Variants in MS4A6E observed in about 807,000 individuals in gnomAD.
The protein encoded by MS4A6E is membrane spanning 4-domains A6E.
Under a neutral mutation model 13.2 loss-of-function variants are expected in MS4A6E, and 8 were observed. That is an observed-to-expected ratio of 0.60 (90% CI 0.35 to 1.09). MS4A6E has a LOEUF of 1.09. MS4A6E is among the 50% of genes least tolerant of loss of function. The pLI, the probability that MS4A6E is intolerant of heterozygous loss-of-function variation, is 0.02. For synonymous variants in MS4A6E, 72 were observed against 67.6 expected (o/e 1.06, Z -0.32); for missense variants, 177 against 171.1 (o/e 1.03, Z -0.19).
At chr11:60,342,168 TGTGTGTGTGTGAGA>T (rs1019786155), downstream of MS4A6E, among the ~76,000 whole-genome samples, 7 of 31,626 alleles carry the variant, frequency 2.2e-4, no homozygotes, top group East Asian at 1.2e-3. Context: ...TGTGTGTGTG[TGTGTGTGTGTGAGA>T]GAGAGAGAGA....
intron 3 of MS4A6E, among the ~76,000 whole-genome samples, chr11:60,339,406 T>C (rs2135063157): frequency 6.6e-6 from 1 of 152,204 alleles, no homozygotes; most frequent in East Asian, 1.9e-4. Flanking sequence ...CACAAATCTC[T>C]GAGAAATAAA....
chr11:60,344,676 A>C (rs2085247868), downstream of MS4A6E, among the ~76,000 whole-genome samples: 1 of 152,206 alleles, frequency 6.6e-6, no homozygotes, highest in Admixed American at 6.5e-5. Context: ...GCAGGGAAGT[A>C]CTGAGGTTTA....
chr11:60,347,778 G>A (rs943840348), intron 4 of MS4A6E, among the ~76,000 whole-genome samples: 5 of 151,990 alleles, frequency 3.3e-5, no homozygotes, highest in African/African-American at 9.7e-5. Flanking sequence ...CTAAGGAATG[G>A]GCTTAGTCAT....
intron 3 of MS4A6E, among the ~76,000 whole-genome samples, chr11:60,339,624 T>C (rs1447185154): frequency 6.6e-6 from 1 of 152,160 alleles, no homozygotes; most frequent in Non-Finnish European, 1.5e-5. Context: ...GAGAAACAAG[T>C]GTATGAAATG....
At chr11:60,335,725 T>C (rs188791366) in intron 2 of MS4A6E, 182 of 386,316 alleles carry the variant, frequency 4.7e-4, no homozygotes, top group Admixed American at 2.1e-3. Context: ...TCATATGGGT[T>C]TCTATGAGGC....
At chr11:60,330,018 G>A (rs1010033640) in intron 1 of MS4A6E, among the ~76,000 whole-genome samples, 1 of 149,952 alleles carries the variant, frequency 6.7e-6, no homozygotes, top group Non-Finnish European at 1.5e-5. Flanking sequence ...GTAGAGATGG[G>A]GTTTCACCGT....
chr11:60,336,029 G>A (rs1328553873), intron 2 of MS4A6E, among the ~76,000 whole-genome samples: 1 of 152,114 alleles, frequency 6.6e-6, no homozygotes, highest in African/African-American at 2.4e-5. Flanking sequence ...TGGAAGCTCT[G>A]GCTACAAAAA....
Position 60,328,904 on chromosome 11 carries a change from C to T in MS4A6E, c.-15+1496C>T, listed in dbSNP as rs975684242. ...GTTAATAACAAGGTATTGTATTTGG[C>T]ATTTTTGCTAAATGACTAGATTTTA... is the stretch of plus-strand genomic sequence containing the variant. On this transcript the variant is annotated intron_variant, in intron 1 of 4. Coordinates refer to ENST00000684409, the MANE Select transcript of MS4A6E (RefSeq NM_139249.4). Among the ~76,000 whole-genome samples the T allele has an allele frequency of 2.0e-5, 3 of 152,134 alleles. No individual in the cohort carries two copies. In the East Asian group the frequency reaches 5.8e-4, roughly 29 times the overall value.
chr11:60,331,073 T>A (rs1036225822), intron 1 of MS4A6E, among the ~76,000 whole-genome samples: 11 of 152,196 alleles, frequency 7.2e-5, no homozygotes, highest in African/African-American at 2.7e-4. Flanking sequence ...TATATGTATC[T>A]CATAATATCA....
chr11:60,342,180 A>AT, downstream of MS4A6E, among the ~76,000 whole-genome samples: 1 of 84,270 alleles, frequency 1.2e-5, no homozygotes, highest in African/African-American at 4.6e-5. Flanking sequence ...TGTGTGTGTG[A>AT]GAGAGAGAGA....
Position 60,327,360 on chromosome 11 carries a change from G to C in MS4A6E, c.-63G>C, listed in dbSNP as rs1176870629. ...GAAGCAAGCAACGTGACCCTAAGTA[G>C]ATGCTGAACCTGTGGCACCTTGATC... is the stretch of plus-strand genomic sequence containing the variant. On this transcript the variant is annotated 5_prime_UTR_variant, in exon 1 of 5. Coordinates refer to ENST00000684409, the MANE Select transcript of MS4A6E (RefSeq NM_139249.4). 6.6e-6 allele frequency among the ~76,000 whole-genome samples: 1 copy of C among 152,236 alleles called. No individual in the cohort carries two copies. The highest frequency in any genetic ancestry group is 1.9e-4 in the East Asian group (1 of 5,206).
chr11:60,329,990 T>C (rs2085144102), intron 1 of MS4A6E, among the ~76,000 whole-genome samples: 1 of 150,698 alleles, frequency 6.6e-6, no homozygotes, highest in Non-Finnish European at 1.5e-5. Context: ...CACACCTGAC[T>C]AATTTGTTGT....
At chr11:60,347,853 C>A (rs931246446) in intron 4 of MS4A6E, among the ~76,000 whole-genome samples, 4 of 152,166 alleles carry the variant, frequency 2.6e-5, no homozygotes, top group Non-Finnish European at 5.9e-5. Context: ...CTTGTATGAT[C>A]TGCATGGCTC....
Position 60,337,728 on chromosome 11 carries a change from ATG to A in MS4A6E, c.148-11_148-10del. The A allele has an allele frequency of 6.2e-7, 1 of 1,614,060 alleles. No homozygotes were observed. The highest frequency in any genetic ancestry group is 8.5e-7 in the Non-Finnish European group (1 of 1,180,008). ...CCTTTGGGAATGATTCTTACCCAGCATGTCTCTTTCAGGTGCATAGCAGCCTG... is the reference window on the plus strand; with the variant it reads ...CCTTTGGGAATGATTCTTACCCAGCATCTCTTTCAGGTGCATAGCAGCCTG... On this transcript the variant is annotated splice_polypyrimidine_tract_variant and intron_variant, in intron 2 of 4. Transcript: ENST00000684409.
In MS4A6E at chr11:60,339,745, T is replaced by G. The variant is rs191086379; in HGVS notation, c.355-121T>G. The G allele has an allele frequency of 2.8e-3, 2,339 of 827,038 alleles. 44 individuals are homozygous for G. The African/African-American group carries it at 0.03, about 11-fold the overall frequency. The allele number at this position is 827,038 out of a possible 1,614,324, so 51.2% of individuals were successfully genotyped here. On this transcript the variant is annotated intron_variant, in intron 3 of 4. Transcript: ENST00000684409. ...GGAGGAGCAGTTTTGTTTTCCTGAT[T>G]GTTTCCTTACTTCATTCTCTAATGG...
intron 1 of MS4A6E, among the ~76,000 whole-genome samples, chr11:60,332,451 G>A (rs2085163092): frequency 6.6e-6 from 1 of 152,202 alleles, no homozygotes. Flanking sequence ...ACAACTATCT[G>A]AGTTTTTGTT....
At chr11:60,335,899 T>C (rs1048389933) in intron 2 of MS4A6E, among the ~76,000 whole-genome samples, 3 of 152,276 alleles carry the variant, frequency 2.0e-5, no homozygotes, top group Middle Eastern at 3.4e-3. Context: ...TGGTGGCCTC[T>C]AAATGATGAG....
downstream of MS4A6E, among the ~76,000 whole-genome samples, chr11:60,343,565 T>C (rs941471230): frequency 1.3e-5 from 2 of 152,218 alleles, no homozygotes; most frequent in African/African-American, 2.4e-5. Flanking sequence ...GAATTTCTCC[T>C]TGGGGTTCTA....
intron 1 of MS4A6E, among the ~76,000 whole-genome samples, chr11:60,332,380 C>T (rs928472753): frequency 3.3e-5 from 5 of 152,168 alleles, no homozygotes; most frequent in African/African-American, 1.2e-4. Context: ...AATTATGTGT[C>T]AATGCTCATT....
Sources: allele counts gnomAD v4.1 joint callset (sites outside exome capture counted in the v4.1 genomes callset), GRCh38; gene constraint gnomAD v4.1.1; transcripts MANE v1.5; gene names NCBI Gene and HGNC (gene_info 2026-07-23, HGNC 2026-07-21).